The following MTM1 variants were observed in gnomAD, a reference collection of about 807,000 sequenced individuals.
The protein encoded by MTM1 is myotubularin 1.
Under a neutral mutation model 52.1 loss-of-function variants are expected in MTM1, and 9 were observed. That is an observed-to-expected ratio of 0.17 (90% CI 0.10 to 0.30). The LOEUF (loss-of-function observed/expected upper bound fraction) is 0.30, where lower values mean the gene tolerates loss of function less well. MTM1 is among the 10% of genes least tolerant of loss of function. MTM1 has a pLI of 1.00. For missense variants in MTM1, 277 were observed against 470.7 expected, an observed-to-expected ratio of 0.59 and a Z score of 3.81; for synonymous variants, 136 against 163.8, an observed-to-expected ratio of 0.83 and a Z score of 1.29.
chrX:150,571,403 A>G (rs1557411456), intron 1 of MTM1, among the ~76,000 whole-genome samples: 1 of 111,478 alleles, frequency 9.0e-6, no homozygotes, highest in African/African-American at 3.3e-5. Context: ...TGGACCTAAT[A>G]TTATCTGTGT....
rs1222049832 is a variant in MTM1 at position 150,583,648 on chromosome X, TTATA to T, written c.-10-8951_-10-8948del. Among the ~76,000 whole-genome samples the T allele has an allele frequency of 5.4e-5, 2 of 37,351 alleles. 1 individual carries two copies. The highest frequency in any genetic ancestry group is 8.4e-5 in the Non-Finnish European group (2 of 23,784). The allele number at this position is 37,351 out of a possible 115,157, so 32.4% of individuals were successfully genotyped here. ...ATATAATTTATATATAATATATAAT[TTATA>T]TATATTATATATAATTTATATATAA... is the stretch of plus-strand genomic sequence containing the variant. On this transcript the variant is annotated intron_variant, in intron 1 of 14. Coordinates refer to ENST00000370396, the MANE Select transcript of MTM1 (RefSeq NM_000252.3).
intron 1 of MTM1, among the ~76,000 whole-genome samples, chrX:150,583,026 A>G (rs1018857585): frequency 1.1e-5 from 1 of 92,395 alleles, no homozygotes; most frequent in Non-Finnish European, 2.1e-5. Context: ...ATAAATACAT[A>G]TTTATATATT....
At chrX:150,596,693 G>A (rs2038982515) in intron 3 of MTM1, 123 bp downstream of exon 3, 2 of 533,450 alleles carry the variant, frequency 3.7e-6, no homozygotes, top group Admixed American at 5.4e-5. Flanking sequence ...TTGTTTAGAA[G>A]CGTTAACACA....
chrX:150,582,647 T>C (rs1329427920), intron 1 of MTM1, among the ~76,000 whole-genome samples: 1 of 111,000 alleles, frequency 9.0e-6, no homozygotes, highest in Non-Finnish European at 1.9e-5. Context: ...GAGAAAGCCA[T>C]GTGACAACAG....
intron 10 of MTM1, 149 bp from the exon 11 acceptor site, chrX:150,657,672 C>G (rs1351611927): frequency 1.9e-6 from 1 of 534,555 alleles, no homozygotes; most frequent in African/African-American, 2.4e-5. Context: ...GGACGATCAA[C>G]AGATCCTGCA....
Position 150,639,132 on chromosome X carries a change from A to G in MTM1, c.528+106A>G, listed in dbSNP as rs781958174. 6.7e-5 allele frequency: 44 copies of G among 652,637 alleles called. No homozygotes were observed. In the East Asian group the frequency reaches 1.4e-3, roughly 20 times the overall value. The allele number at this position is 652,637 out of a possible 1,213,427, so 53.8% of individuals were successfully genotyped here. On this transcript the variant is annotated intron_variant, in intron 7 of 14. Coordinates refer to ENST00000370396, the MANE Select transcript of MTM1 (RefSeq NM_000252.3). ...TGAAAATCAGCGACATCCTTGCTAAATATCTTTTCAATGGTGGTGATATTA... is the reference window on the plus strand; with the variant it reads ...TGAAAATCAGCGACATCCTTGCTAAGTATCTTTTCAATGGTGGTGATATTA...
intron 10 of MTM1, among the ~76,000 whole-genome samples, chrX:150,650,182 C>A (rs1557414145): frequency 9.0e-6 from 1 of 111,310 alleles, no homozygotes; most frequent in South Asian, 3.7e-4. Context: ...TAGGAATAGC[C>A]AATTTATTAT....
intron 1 of MTM1, among the ~76,000 whole-genome samples, chrX:150,570,038 G>T (rs1198752873): frequency 9.0e-6 from 1 of 111,589 alleles, no homozygotes; most frequent in African/African-American, 3.3e-5. Flanking sequence ...ATTCACGGGG[G>T]GCTTGTAGAT....
chrX:150,655,202 G>A (rs1265650507), intron 10 of MTM1, among the ~76,000 whole-genome samples: 2 of 108,677 alleles, frequency 1.8e-5, no homozygotes, highest in Admixed American at 2.0e-4. Context: ...GCGGGTGCCT[G>A]TAGTCCCAGC....
chrX:150,588,990 G>A (rs222382), intron 1 of MTM1, among the ~76,000 whole-genome samples: 37,295 of 110,845 alleles, frequency 0.34, 4,779 homozygotes, highest in South Asian at 0.55. Flanking sequence ...TACCTGTTAA[G>A]TATCTTTTGG....
chrX:150,654,435 A>G (rs2040077322), intron 10 of MTM1, among the ~76,000 whole-genome samples: 2 of 111,224 alleles, frequency 1.8e-5, no homozygotes, highest in Admixed American at 1.9e-4. Flanking sequence ...ACAGGATTTC[A>G]AGGAGAATAC....
At position 150,595,711 on chromosome X, in the gene MTM1, A is replaced by G. The variant is rs141718889; in HGVS notation, c.64-787A>G. On this transcript the variant is annotated intron_variant, in intron 2 of 14. Coordinates refer to ENST00000370396, the MANE Select transcript of MTM1 (RefSeq NM_000252.3). The stretch of plus-strand genomic sequence containing the variant: ...CACTAGGGCAGCTGAATAACCTGAA[A>G]GACAATGGGTAGCTATGGCAAATTA... Among the ~76,000 whole-genome samples the G allele has an allele frequency of 2.7e-3, 306 of 112,779 alleles. 1 individual carries two copies. The highest frequency in any genetic ancestry group is 0.018 in the Middle Eastern group (4 of 219).
intron 4 of MTM1, among the ~76,000 whole-genome samples, chrX:150,611,232 C>T (rs782150058): frequency 8.9e-6 from 1 of 112,079 alleles, no homozygotes; most frequent in East Asian, 2.8e-4. Flanking sequence ...ATTACATCTT[C>T]CAAATACTAA....
chrX:150,617,808 C>T (rs2039411191), intron 5 of MTM1, among the ~76,000 whole-genome samples: 1 of 111,765 alleles, frequency 8.9e-6, no homozygotes, highest in Non-Finnish European at 1.9e-5. Context: ...CTGTACCGCT[C>T]CTGAAGTGGC....
At chrX:150,612,516 AC>A (rs1327405829) in intron 4 of MTM1, among the ~76,000 whole-genome samples, 1 of 109,597 alleles carries the variant, frequency 9.1e-6, no homozygotes, top group African/African-American at 3.3e-5. Flanking sequence ...ACATAGTGAG[AC>A]CCCCCCACCA....
At chrX:150,665,027 A>G (rs2040282237) in intron 14 of MTM1, among the ~76,000 whole-genome samples, 1 of 112,121 alleles carries the variant, frequency 8.9e-6, no homozygotes, top group Non-Finnish European at 1.9e-5. Context: ...ACTTCTTAGA[A>G]TGTATTTATC....
rs2040403154 is a variant in MTM1 at position 150,671,902 on chromosome X, A to AT, written c.*311dup. ...GAGAAATACTATATATACAATATAT[A>AT]TTTTGTGGGCTTAATTGAAACAACA... On this transcript the variant is annotated 3_prime_UTR_variant, in exon 15 of 15. Transcript: ENST00000370396. 3 of 273,065 alleles carry AT rather than the reference A, an allele frequency of 1.1e-5. No individual in the cohort carries two copies. The highest frequency in any genetic ancestry group is 2.8e-5 in the African/African-American group (1 of 36,158). The allele number at this position is 273,065 out of a possible 1,213,427, so 22.5% of individuals were successfully genotyped here.
At chrX:150,562,755 G>C in the MTM1 span, among the ~76,000 whole-genome samples, 5,117 of 111,656 alleles carry the variant, frequency 0.046, 101 homozygotes, top group Admixed American at 0.067. Flanking sequence ...CTGACCAGCG[G>C]GGCCTCCTCA....
At chrX:150,563,769 C>A (rs980610018), upstream of MTM1, among the ~76,000 whole-genome samples, 1 of 110,038 alleles carries the variant, frequency 9.1e-6, no homozygotes, top group Admixed American at 9.5e-5. Flanking sequence ...ACCTGTAATC[C>A]CAGCTACTTG....
Sources: gnomAD v4.1 joint callset for allele counts (sites outside exome capture counted in the v4.1 genomes callset) on GRCh38, gnomAD v4.1.1 for gene constraint, MANE v1.5 for transcripts, NCBI Gene and HGNC (gene_info 2026-07-23, HGNC 2026-07-21) for gene names.